Variants in MME observed in about 807,000 individuals in gnomAD.
MME encodes membrane metalloendopeptidase.
MME carries 98 observed loss-of-function variants against 113.2 expected under a neutral mutation model. That is an observed-to-expected ratio of 0.87 (90% CI 0.74 to 1.02). The LOEUF is 1.02. Ranked by LOEUF, MME falls within the 50% of genes least tolerant of loss-of-function variation. The pLI, the probability that MME is intolerant of heterozygous loss-of-function variation, is 0.00. For missense variants in MME, 836 were observed against 896.0 expected (o/e 0.93, Z 0.86); for synonymous variants, 292 against 300.6 (o/e 0.97, Z 0.30).
chr3:155,177,389 G>T (rs951573705), intron 22 of MME, among the ~76,000 whole-genome samples: 1 of 152,152 alleles, frequency 6.6e-6, no homozygotes, highest in Admixed American at 6.5e-5. Flanking sequence ...TTGCATTAAT[G>T]AATCAAAGCT....
At chr3:155,066,011 C>T (rs1379383208) in intron 1 of MME, among the ~76,000 whole-genome samples, 2 of 152,132 alleles carry the variant, frequency 1.3e-5, no homozygotes, top group Non-Finnish European at 2.9e-5. Context: ...AGGAGTGTTT[C>T]ACTATTCACT....
At chr3:155,170,418 T>A (rs1284590012) in intron 20 of MME, among the ~76,000 whole-genome samples, 1 of 152,184 alleles carries the variant, frequency 6.6e-6, no homozygotes, top group Non-Finnish European at 1.5e-5. Flanking sequence ...AGGATACAGT[T>A]AAATTCCTTG....
chr3:155,144,443 A>G lies in MME; in HGVS notation c.1402A>G (p.Arg468Gly). 1 of 1,611,332 alleles carries G rather than the reference A, an allele frequency of 6.2e-7. No individual in the cohort carries two copies. Among genetic ancestry groups the G allele is most frequent in the Non-Finnish European group, 8.5e-7 (1 of 1,177,694 alleles). ...TTGGATGGATGCCGAGACAAAAAAG[A>G]GAGCTGAAGAAAAGGTAAAGAGCAG... The part of the protein sequence containing the change: ...LTWMDAETKK[R>G]AEEKALAIKE... Residue 468 changes from arginine to glycine, a missense_variant, in exon 14 of 23, where the codon AGA (arginine) becomes GGA (glycine). By Grantham distance (125) the Arg-to-Gly change is moderately radical. Transcript: ENST00000360490.
intron 1 of MME, among the ~76,000 whole-genome samples, chr3:155,070,222 TG>T (rs1559899223): frequency 6.6e-6 from 1 of 152,238 alleles, no homozygotes; most frequent in Non-Finnish European, 1.5e-5. Context: ...AAATTTATGG[TG>T]CATTAATGTG....
At chr3:155,032,233 A>G (rs576608973) in intron 1 of MME, among the ~76,000 whole-genome samples, 22 of 152,304 alleles carry the variant, frequency 1.4e-4, no homozygotes, top group African/African-American at 5.3e-4. Flanking sequence ...ATTTAAGGAG[A>G]AAGATTAGAT....
chr3:155,063,142 T>C (rs926478629), intron 1 of MME, among the ~76,000 whole-genome samples: 8 of 137,628 alleles, frequency 5.8e-5, no homozygotes, highest in Admixed American at 2.3e-4. Flanking sequence ...TATAATTATG[T>C]TATATATTTA....
rs1404492323 is a variant in MME, at chr3:155,045,847, T to C, written c.-11+21523T>C. 3.9e-5 allele frequency among the ~76,000 whole-genome samples: 6 copies of C among 152,194 alleles called. No homozygotes were observed. The South Asian group carries it at 1.0e-3, about 26-fold the overall frequency. ...AGGCATTGACTTGAAATATTTCTTC[T>C]TTTCTAATATGAACATTTAAAAGTA... On this transcript the variant is annotated intron_variant, in intron 1 of 22. Transcript: ENST00000492661.
chr3:155,031,702 G>A (rs1712976412), intron 1 of MME, among the ~76,000 whole-genome samples: 1 of 152,114 alleles, frequency 6.6e-6, no homozygotes, highest in South Asian at 2.1e-4. Context: ...TTGTCGCCCA[G>A]GCTGAAGTGC....
chr3:155,125,649 C>T (rs1022260047), intron 8 of MME, among the ~76,000 whole-genome samples: 1 of 151,456 alleles, frequency 6.6e-6, no homozygotes, highest in Admixed American at 6.6e-5. Flanking sequence ...TTAGTAGAGA[C>T]GGGGTTTCAC....
rs202089996 is a variant in MME at position 155,031,286 on chromosome 3, T to C, written c.-11+6962T>C. Reference sequence around the variant, plus strand: ...AATTGTTGGATCTGTATTTTATAATTTCAGTAGTTTCATTTTCATTCTGTA... The same window carrying C: ...AATTGTTGGATCTGTATTTTATAATCTCAGTAGTTTCATTTTCATTCTGTA... On this transcript the variant is annotated intron_variant, in intron 1 of 22. Coordinates refer to the MME transcript ENST00000492661. 1.1e-4 allele frequency among the ~76,000 whole-genome samples: 16 copies of C among 152,286 alleles called. No individual in the cohort carries two copies. In the East Asian group the frequency reaches 2.3e-3, roughly 22 times the overall value.
At position 155,143,431 on chromosome 3, in the gene MME, T is replaced by A. The variant is rs747268389; in HGVS notation, c.1189-12T>A. 6.2e-7 allele frequency: 1 copy of A among 1,611,046 alleles called. No individual in the cohort carries two copies. Among genetic ancestry groups the A allele is most frequent in the South Asian group, 1.1e-5 (1 of 90,986 alleles). On this transcript the variant is annotated splice_polypyrimidine_tract_variant and intron_variant, in intron 12 of 22. Coordinates refer to ENST00000360490, the MANE Select transcript of MME (RefSeq NM_007289.4). Reference sequence around the variant, plus strand: ...TTCTGGTCAAATGCCATTTCCTTTTTCTTTTCCGTAGGCCCTTTATGGTAC... The same window carrying A: ...TTCTGGTCAAATGCCATTTCCTTTTACTTTTCCGTAGGCCCTTTATGGTAC...
chr3:155,067,115 C>A (rs1440147197), intron 1 of MME, among the ~76,000 whole-genome samples: 1 of 149,736 alleles, frequency 6.7e-6, no homozygotes, highest in Non-Finnish European at 1.5e-5. Context: ...GAAAGCTATG[C>A]TTTCCTTGTG....
intron 3 of MME, among the ~76,000 whole-genome samples, chr3:155,109,701 C>T (rs1335233850): frequency 1.3e-5 from 2 of 152,094 alleles, no homozygotes; most frequent in Non-Finnish European, 2.9e-5. Flanking sequence ...ATGTCTGGAC[C>T]CCCTCCAAAG....
At chr3:155,106,002 G>T (rs921281766) in intron 3 of MME, among the ~76,000 whole-genome samples, 1 of 152,110 alleles carries the variant, frequency 6.6e-6, no homozygotes, top group Admixed American at 6.5e-5. Context: ...ATGCATATTT[G>T]TTGTATGTAT....
intron 1 of MME, chr3:155,083,942 G>C: frequency 1.9e-6 from 1 of 516,496 alleles, no homozygotes; most frequent in Non-Finnish European, 3.5e-6. Context: ...CAAAACAACA[G>C]CAACAAAAAA....
chr3:155,111,045 G>T (rs1420900174), intron 3 of MME, among the ~76,000 whole-genome samples: 1 of 152,194 alleles, frequency 6.6e-6, no homozygotes, highest in Non-Finnish European at 1.5e-5. Flanking sequence ...CATCTGAAGA[G>T]CCCAGGTGTG....
At chr3:155,088,648 A>G (rs1715995523) in intron 3 of MME, among the ~76,000 whole-genome samples, 1 of 150,080 alleles carries the variant, frequency 6.7e-6, no homozygotes, top group Non-Finnish European at 1.5e-5. Context: ...GCGCCATTGC[A>G]CTACAGCCTG....
chr3:155,087,245 T>A (rs1169598065), intron 3 of MME, among the ~76,000 whole-genome samples: 1 of 101,020 alleles, frequency 9.9e-6, no homozygotes, highest in Non-Finnish European at 1.9e-5. Context: ...ATCTGTGCCC[T>A]TTGGTTTTTT....
At chr3:155,126,239 T>C (rs1221729577) in intron 8 of MME, among the ~76,000 whole-genome samples, 1 of 152,222 alleles carries the variant, frequency 6.6e-6, no homozygotes, top group East Asian at 1.9e-4. Context: ...TGAGGAATTT[T>C]GGTTCACTAT....
Sources: allele counts gnomAD v4.1 joint callset (sites outside exome capture counted in the v4.1 genomes callset), GRCh38; gene constraint gnomAD v4.1.1; transcripts MANE v1.5; gene names NCBI Gene and HGNC (gene_info 2026-07-23, HGNC 2026-07-21).